The following NR3C2 variants were observed in gnomAD, a reference collection of about 807,000 sequenced individuals.
The protein encoded by NR3C2 is mineralocorticoid receptor.
In NR3C2, 15 loss-of-function variants were observed where a neutral mutation model predicts 86.4. That is an observed-to-expected ratio of 0.17 (90% CI 0.12 to 0.27). The LOEUF (loss-of-function observed/expected upper bound fraction) is 0.27. Ranked by LOEUF, NR3C2 falls within the 10% of genes least tolerant of loss-of-function variation. The pLI, the probability that NR3C2 is intolerant of heterozygous loss-of-function variation, is 1.00. For missense variants in NR3C2, 960 were observed against 1,195.6 expected (o/e 0.80, Z 2.91); for synonymous variants, 458 against 450.5 (o/e 1.02, Z -0.21).
intron 2 of NR3C2, among the ~76,000 whole-genome samples, chr4:148,326,473 T>C (rs1743978044): frequency 6.6e-6 from 1 of 152,102 alleles, no homozygotes; most frequent in Non-Finnish European, 1.5e-5. Flanking sequence ...AAGCTATTTG[T>C]AAAGTTTAAA....
chr4:148,346,306 GA>G (rs1174184489), intron 2 of NR3C2, among the ~76,000 whole-genome samples: 1 of 152,110 alleles, frequency 6.6e-6, no homozygotes, highest in Non-Finnish European at 1.5e-5. Context: ...AGCCCAGATA[GA>G]AAACGGTGGT....
At chr4:148,266,969 C>T (rs1435757905) in intron 2 of NR3C2, among the ~76,000 whole-genome samples, 5 of 152,052 alleles carry the variant, frequency 3.3e-5, no homozygotes, top group Admixed American at 1.3e-4. Flanking sequence ...TGGAGAGTTA[C>T]GGGGAATTTC....
intron 2 of NR3C2, among the ~76,000 whole-genome samples, chr4:148,324,986 A>G (rs938610098): frequency 6.6e-6 from 1 of 152,210 alleles, no homozygotes; most frequent in African/African-American, 2.4e-5. Flanking sequence ...AACCAATATC[A>G]TATTAGAGGC....
chr4:148,135,561 G>A (rs966003777), intron 6 of NR3C2, among the ~76,000 whole-genome samples: 27 of 152,074 alleles, frequency 1.8e-4, no homozygotes, highest in African/African-American at 6.5e-4. Flanking sequence ...CGTACTTTGC[G>A]AACAGTGGCA....
chr4:148,429,116 A>G (rs1749684903), intron 2 of NR3C2, among the ~76,000 whole-genome samples: 1 of 152,048 alleles, frequency 6.6e-6, no homozygotes, highest in Admixed American at 6.6e-5. Context: ...CACTCCCTGC[A>G]AGATTTTCAA....
intron 2 of NR3C2, among the ~76,000 whole-genome samples, chr4:148,431,948 G>T (rs1486996713): frequency 1.3e-5 from 2 of 152,134 alleles, no homozygotes; most frequent in Non-Finnish European, 1.5e-5. Context: ...GTGAGTTACA[G>T]TTATTGCTAC....
intron 2 of NR3C2, among the ~76,000 whole-genome samples, chr4:148,355,677 A>G (rs922265211): frequency 1.3e-5 from 2 of 152,214 alleles, no homozygotes; most frequent in African/African-American, 4.8e-5. Context: ...GTTTATCATT[A>G]GCAAACAACA....
intron 4 of NR3C2, among the ~76,000 whole-genome samples, chr4:148,167,784 A>T (rs1295826695): frequency 4.6e-5 from 7 of 152,222 alleles, no homozygotes. Flanking sequence ...TGTTAAGCGA[A>T]ATGGAAAGAG....
At chr4:148,237,553 A>G (rs1251764610) in intron 3 of NR3C2, among the ~76,000 whole-genome samples, 1 of 152,190 alleles carries the variant, frequency 6.6e-6, no homozygotes, top group Non-Finnish European at 1.5e-5. Flanking sequence ...ACTTTAGTAA[A>G]GAGATTATGA....
chr4:148,343,399 G>A (rs1232170338), intron 2 of NR3C2, among the ~76,000 whole-genome samples: 3 of 123,566 alleles, frequency 2.4e-5, no homozygotes, highest in Admixed American at 9.2e-5. Flanking sequence ...CGGGATATCC[G>A]CCCCCCCGAC....
intron 2 of NR3C2, among the ~76,000 whole-genome samples, chr4:148,395,855 A>T (rs1315455573): frequency 6.6e-6 from 1 of 152,216 alleles, no homozygotes; most frequent in African/African-American, 2.4e-5. Flanking sequence ...GGTTTCATTC[A>T]TTCAAGTAAA....
At chr4:148,253,618 C>T (rs889154190) in intron 3 of NR3C2, among the ~76,000 whole-genome samples, 4 of 152,122 alleles carry the variant, frequency 2.6e-5, no homozygotes, top group African/African-American at 9.7e-5. Context: ...GTTTCCCAAG[C>T]TTCAAAATTA....
At chr4:148,082,861 C>T (rs957148025) in intron 8 of NR3C2, among the ~76,000 whole-genome samples, 8 of 152,010 alleles carry the variant, frequency 5.3e-5, no homozygotes, top group East Asian at 1.9e-4. Flanking sequence ...GAAGTCGACC[C>T]GGGATGCTCG....
rs1730471949 is a variant in NR3C2, at chr4:148,080,044, G to C, written c.*1300C>G. ...TGCTCTCTGAGCCATCAAGTTCCCA[G>C]TCTCACTCTCGTAGAGCTGGTTCTG... is the stretch of plus-strand genomic sequence containing the variant. On this transcript the variant is annotated 3_prime_UTR_variant, in exon 9 of 9. Coordinates refer to ENST00000358102, the MANE Select transcript of NR3C2 (RefSeq NM_000901.5). 1 of 152,186 alleles carries C rather than the reference G, an allele frequency of 6.6e-6. No homozygotes were observed. Among genetic ancestry groups the C allele is most frequent in the Non-Finnish European group, 1.5e-5 (1 of 68,042 alleles). 9.4% of individuals were successfully genotyped at this position (152,186 alleles called of 1,614,324 possible).
At chr4:148,240,687 C>T (rs1738983498) in intron 3 of NR3C2, among the ~76,000 whole-genome samples, 1 of 152,156 alleles carries the variant, frequency 6.6e-6, no homozygotes, top group South Asian at 2.1e-4. Flanking sequence ...CAGAACTATT[C>T]CTGATGTAAA....
intron 2 of NR3C2, among the ~76,000 whole-genome samples, chr4:148,283,668 T>A (rs1255370654): frequency 6.6e-6 from 1 of 152,228 alleles, no homozygotes; most frequent in African/African-American, 2.4e-5. Flanking sequence ...AATCCCTCTA[T>A]TGGTTTTTAG....
At chr4:148,384,132 C>G (rs1056255384) in intron 2 of NR3C2, among the ~76,000 whole-genome samples, 1 of 151,670 alleles carries the variant, frequency 6.6e-6, no homozygotes, top group African/African-American at 2.4e-5. Context: ...TCTACATGTT[C>G]AAAATAGAAT....
intron 3 of NR3C2, among the ~76,000 whole-genome samples, chr4:148,233,365 G>GATTTT (rs1738561921): frequency 4.2e-4 from 6 of 14,400 alleles, no homozygotes; most frequent in Non-Finnish European, 2.1e-3. Flanking sequence ...AATTTCTTTA[G>GATTTT]GTTTTTTTTT....
At chr4:148,157,912 C>G (rs1177006826) in intron 4 of NR3C2, among the ~76,000 whole-genome samples, 1 of 152,010 alleles carries the variant, frequency 6.6e-6, no homozygotes, top group Non-Finnish European at 1.5e-5. Context: ...AAAAGATAAG[C>G]TATCAAACAA....
Sources: allele counts gnomAD v4.1 joint callset (sites outside exome capture counted in the v4.1 genomes callset), GRCh38; gene constraint gnomAD v4.1.1; transcripts MANE v1.5; gene names NCBI Gene and HGNC (gene_info 2026-07-23, HGNC 2026-07-21).